DCK: variants seen among roughly 807,000 people sequenced by gnomAD.
DCK encodes the protein deoxyadenosine kinase.
A neutral mutation model predicts 38.3 loss-of-function variants in DCK; 23 were observed. The observed-to-expected ratio is 0.60, with a 90% confidence interval of 0.43 to 0.85. The LOEUF is 0.85. Ranked by LOEUF, DCK falls within the 40% of genes least tolerant of loss-of-function variation. DCK has a pLI of 0.00. For synonymous variants in DCK, 108 were observed against 100.6 expected, an observed-to-expected ratio of 1.07 and a Z score of -0.44; for missense variants, 259 against 304.4, an observed-to-expected ratio of 0.85 and a Z score of 1.11.
At chr4:71,001,844 A>T (rs1739808236) in intron 2 of DCK, among the ~76,000 whole-genome samples, 1 of 151,660 alleles carries the variant, frequency 6.6e-6, no homozygotes, top group African/African-American at 2.4e-5. Context: ...TATTGTGTCT[A>T]TTTGATTCTT....
At chr4:71,025,336 G>A (rs1934330710) in intron 4 of DCK, among the ~76,000 whole-genome samples, 1 of 152,044 alleles carries the variant, frequency 6.6e-6, no homozygotes, top group Non-Finnish European at 1.5e-5. Context: ...TGCAGATATA[G>A]GACAGGCATA....
intron 2 of DCK, among the ~76,000 whole-genome samples, chr4:71,014,747 A>C (rs1740210962): frequency 6.6e-6 from 1 of 152,220 alleles, no homozygotes. Flanking sequence ...AACATACCAG[A>C]ATCTCTGGGA....
Position 71,022,489 on chromosome 4 carries a change from C to G in DCK, c.330C>G (p.Ala110=). 3.1e-6 allele frequency: 5 copies of G among 1,608,486 alleles called. No individual in the cohort carries two copies. Among genetic ancestry groups the G allele is most frequent in the Non-Finnish European group, 4.2e-6 (5 of 1,178,030 alleles). ...ACLSRIRAQL[A]SLNGKLKDAE... ...TCAGTCGAATAAGAGCTCAGCTTGCCTCTCTGAATGGCAAGCTCAAAGATG... is the reference window on the plus strand; with the variant it reads ...TCAGTCGAATAAGAGCTCAGCTTGCGTCTCTGAATGGCAAGCTCAAAGATG... The change falls in exon 3 of 7, where the codon GCC becomes GCG. Residue 110 remains alanine (A), a synonymous_variant. Coordinates refer to ENST00000286648, the MANE Select transcript of DCK (RefSeq NM_000788.3).
In DCK at chr4:70,998,198, T is replaced by G. The variant is rs1381678432; in HGVS notation, c.207+16T>G. ...TGAATTTGAGGTATGAAAATAAAATTTAAGTAGATAAAAGCCTCTTGGTTT... is the reference window on the plus strand; with the variant it reads ...TGAATTTGAGGTATGAAAATAAAATGTAAGTAGATAAAAGCCTCTTGGTTT... On this transcript the variant is annotated intron_variant, in intron 2 of 6. Transcript: ENST00000286648. 1 of 1,330,538 alleles carries G rather than the reference T, an allele frequency of 7.5e-7. No individual in the cohort carries two copies. Among genetic ancestry groups the G allele is most frequent in the Non-Finnish European group, 1.1e-6 (1 of 933,958 alleles). The allele number at this position is 1,330,538 out of a possible 1,614,324, so 82.4% of individuals were successfully genotyped here.
At chr4:71,013,949 A>G (rs1211445631) in intron 2 of DCK, among the ~76,000 whole-genome samples, 2 of 152,256 alleles carry the variant, frequency 1.3e-5, no homozygotes, top group African/African-American at 4.8e-5. Flanking sequence ...ACTCCAATTG[A>G]AAGACACAGA....
chr4:70,996,659 GTAAAC>G (rs1226746302), intron 1 of DCK, among the ~76,000 whole-genome samples: 1 of 152,146 alleles, frequency 6.6e-6, no homozygotes. Flanking sequence ...TAAGCTGTGC[GTAAAC>G]TATTTTGCAA....
chr4:71,022,746 T>C (rs575566810), intron 3 of DCK, among the ~76,000 whole-genome samples, 186 bp downstream of exon 3: 1 of 152,334 alleles, frequency 6.6e-6, no homozygotes, highest in African/African-American at 2.4e-5. Flanking sequence ...TTATTGCATT[T>C]ATAATCCTCA....
At chr4:71,022,615 CTTTTT>C in intron 3 of DCK, 55 bp downstream of exon 3, 1 of 728,906 alleles carries the variant, frequency 1.4e-6, no homozygotes, top group Non-Finnish European at 1.9e-6. Flanking sequence ...TAGAACTGGA[CTTTTT>C]TTTTTTTTTT....
chr4:71,008,818 T>C (rs2148914748), intron 2 of DCK, among the ~76,000 whole-genome samples: 1 of 152,314 alleles, frequency 6.6e-6, no homozygotes, highest in East Asian at 1.9e-4. Context: ...AGAAATGTAA[T>C]CATTAAGGTA....
At chr4:71,001,733 G>A (rs1578419045) in intron 2 of DCK, among the ~76,000 whole-genome samples, 1 of 152,198 alleles carries the variant, frequency 6.6e-6, no homozygotes, top group Non-Finnish European at 1.5e-5. Flanking sequence ...GTGTCCAGGA[G>A]TTTATCCATT....
chr4:71,026,557 T>C (rs1214037781), intron 5 of DCK, 108 bp from the exon 6 acceptor site: 2 of 682,262 alleles, frequency 2.9e-6, no homozygotes, highest in African/African-American at 1.8e-5. Flanking sequence ...TTAGTGTAAA[T>C]GATTGACAAC....
intron 2 of DCK, among the ~76,000 whole-genome samples, chr4:71,014,845 A>G (rs182794009): frequency 2.5e-3 from 383 of 152,348 alleles, no homozygotes; most frequent in African/African-American, 8.9e-3. Context: ...ACACCCTAAC[A>G]TCACAATTAA....
chr4:71,022,735 G>A (rs923079754), intron 3 of DCK, among the ~76,000 whole-genome samples, 175 bp downstream of exon 3: 2 of 152,072 alleles, frequency 1.3e-5, no homozygotes, highest in Non-Finnish European at 2.9e-5. Context: ...CATTAGGGAA[G>A]TTATTGCATT....
At chr4:71,003,095 C>T (rs1446833834) in intron 2 of DCK, among the ~76,000 whole-genome samples, 15 of 152,072 alleles carry the variant, frequency 9.9e-5, no homozygotes, top group Admixed American at 3.3e-4. Context: ...TGGCTGGTAC[C>T]GGTTTTTCCT....
intron 2 of DCK, among the ~76,000 whole-genome samples, chr4:71,018,666 ATTTTTTTTTTT>A (rs11315015): frequency 4.2e-3 from 349 of 83,320 alleles, no homozygotes; most frequent in South Asian, 9.6e-3. Flanking sequence ...TATTTTTTAG[ATTTTTTTTTTT>A]TTTTTTTTTT....
At chr4:71,012,219 AG>A (rs1441532162) in intron 2 of DCK, among the ~76,000 whole-genome samples, 1 of 151,930 alleles carries the variant, frequency 6.6e-6, no homozygotes, top group Non-Finnish European at 1.5e-5. Flanking sequence ...AGGCTGGGGG[AG>A]GGGCGCCCAC....
At chr4:71,028,669 C>T in intron 6 of DCK, 1 of 445,236 alleles carries the variant, frequency 2.2e-6, no homozygotes, top group South Asian at 1.6e-5. Context: ...AATCTTGGCT[C>T]ACTGCCATCT....
At chr4:71,003,679 T>A (rs1005233405) in intron 2 of DCK, among the ~76,000 whole-genome samples, 2 of 152,202 alleles carry the variant, frequency 1.3e-5, no homozygotes, top group Non-Finnish European at 2.9e-5. Context: ...TCTAATCTTA[T>A]CTTCACGCTT....
intron 2 of DCK, among the ~76,000 whole-genome samples, chr4:71,016,204 T>A (rs1006408996): frequency 3.3e-5 from 5 of 152,050 alleles, no homozygotes; most frequent in African/African-American, 1.2e-4. Flanking sequence ...GAGAATAAAA[T>A]ACCTAGGAAT....
Sources: gnomAD v4.1 joint callset for allele counts (sites outside exome capture counted in the v4.1 genomes callset) on GRCh38, gnomAD v4.1.1 for gene constraint, MANE v1.5 for transcripts, NCBI Gene and HGNC (gene_info 2026-07-23, HGNC 2026-07-21) for gene names.